Variants in EPHA6 observed in about 807,000 individuals in gnomAD.
EPHA6 encodes the protein EPH receptor A6.
A neutral mutation model predicts 112.0 loss-of-function variants in EPHA6; 50 were observed. That is an observed-to-expected ratio of 0.45 (90% CI 0.36 to 0.56). The LOEUF is 0.56. Among genes scored for constraint, EPHA6 ranks in the 20% least tolerant of loss-of-function variants. The pLI is 0.00. For synonymous variants in EPHA6, 529 were observed against 490.7 expected (o/e 1.08, Z -1.03); for missense variants, 1,280 against 1,417.4 (o/e 0.90, Z 1.56).
rs555190852 is a variant in EPHA6, at chr3:97,087,436, A to G, written c.1114+99443A>G. Among the ~76,000 whole-genome samples, 3 of 152,210 alleles carry G rather than the reference A, an allele frequency of 2.0e-5. No homozygotes were observed. In the South Asian group the frequency reaches 6.2e-4, roughly 32 times the overall value. On this transcript the variant is annotated intron_variant, in intron 3 of 17. Coordinates refer to ENST00000389672, the MANE Select transcript of EPHA6 (RefSeq NM_001080448.3). ...CATGGCTGATGAGAACCTTCCTTGA[A>G]CTGAAAGCTGATTTATTTTTCCCCA... is the stretch of plus-strand genomic sequence containing the variant.
At chr3:97,386,527 G>T (rs548599292) in intron 5 of EPHA6, among the ~76,000 whole-genome samples, 1 of 152,296 alleles carries the variant, frequency 6.6e-6, no homozygotes, top group Non-Finnish European at 1.5e-5. Flanking sequence ...GATGCAAAAG[G>T]TGGGCTTCTA....
intron 5 of EPHA6, among the ~76,000 whole-genome samples, chr3:97,367,106 C>T (rs949825138): frequency 6.6e-6 from 1 of 152,134 alleles, no homozygotes; most frequent in Non-Finnish European, 1.5e-5. Flanking sequence ...GTGTGTCTTA[C>T]TCCAGGACCC....
intron 2 of EPHA6, among the ~76,000 whole-genome samples, chr3:96,939,826 G>A (rs1021609114): frequency 6.6e-6 from 1 of 152,150 alleles, no homozygotes; most frequent in Non-Finnish European, 1.5e-5. Context: ...TGGTTTCAAA[G>A]AACATCTTTA....
chr3:97,204,004 G>T (rs2077648038), intron 3 of EPHA6, among the ~76,000 whole-genome samples: 1 of 151,776 alleles, frequency 6.6e-6, no homozygotes, highest in African/African-American at 2.4e-5. Context: ...GAAAAAAAAA[G>T]AAAAATAATG....
At chr3:96,904,348 A>ATC (rs2038799986) in intron 2 of EPHA6, among the ~76,000 whole-genome samples, 1 of 151,302 alleles carries the variant, frequency 6.6e-6, no homozygotes, top group Admixed American at 6.6e-5. Flanking sequence ...TCAGCAAACT[A>ATC]CTGCAAGGAC....
intron 6 of EPHA6, among the ~76,000 whole-genome samples, chr3:97,420,727 A>T (rs1288149851): frequency 6.6e-6 from 1 of 152,098 alleles, no homozygotes; most frequent in Non-Finnish European, 1.5e-5. Flanking sequence ...TCTTAACTGA[A>T]CGAGGGCAGT....
At chr3:97,085,927 T>TTGTATATATA (rs1559718504) in intron 3 of EPHA6, among the ~76,000 whole-genome samples, 2 of 103,968 alleles carry the variant, frequency 1.9e-5, no homozygotes, top group African/African-American at 1.9e-4. Flanking sequence ...ATATATGATG[T>TTGTATATATA]CATATATATA....
rs564176524 is a variant in EPHA6 at position 97,709,928 on chromosome 3, A to G, written c.2785-10333A>G. On this transcript the variant is annotated intron_variant, in intron 14 of 17. Coordinates refer to ENST00000389672, the MANE Select transcript of EPHA6 (RefSeq NM_001080448.3). ...CCTGAGGCCTTTCCAGCCATGTGGA[A>G]CTGTGAGTCAATTCAACCCCTTTTG... Among the ~76,000 whole-genome samples the G allele has an allele frequency of 2.0e-4, 30 of 152,306 alleles. No individual in the cohort carries two copies. In the South Asian group the frequency reaches 6.2e-3, roughly 32 times the overall value.
chr3:97,059,675 C>T (rs1013420563), intron 3 of EPHA6, among the ~76,000 whole-genome samples: 1 of 148,780 alleles, frequency 6.7e-6, no homozygotes, highest in Non-Finnish European at 1.5e-5. Flanking sequence ...TATTCCTGAT[C>T]AATTTAGCAC....
At chr3:96,827,584 T>C (rs1250841913) in intron 1 of EPHA6, among the ~76,000 whole-genome samples, 3 of 152,102 alleles carry the variant, frequency 2.0e-5, no homozygotes, top group Non-Finnish European at 4.4e-5. Context: ...TAGTGAAAAC[T>C]GTTCATATAC....
chr3:97,556,953 A>G (rs902620525), intron 11 of EPHA6, among the ~76,000 whole-genome samples: 1 of 152,098 alleles, frequency 6.6e-6, no homozygotes, highest in Non-Finnish European at 1.5e-5. Flanking sequence ...CCAGATTAGT[A>G]TAGTACATAC....
At chr3:97,648,249 T>G (rs764368700) in intron 14 of EPHA6, 2 of 815,510 alleles carry the variant, frequency 2.5e-6, no homozygotes, top group Non-Finnish European at 4.3e-6. Flanking sequence ...ATTACAGTTC[T>G]GTTAACATCT....
chr3:97,225,473 A>G (rs2078328045), intron 3 of EPHA6, among the ~76,000 whole-genome samples: 1 of 152,180 alleles, frequency 6.6e-6, no homozygotes. Flanking sequence ...TGTTTCTCAT[A>G]TATTATTTAT....
At chr3:97,164,421 CT>C (rs2108407027) in intron 3 of EPHA6, among the ~76,000 whole-genome samples, 1 of 152,134 alleles carries the variant, frequency 6.6e-6, no homozygotes, top group East Asian at 1.9e-4. Context: ...CATTTTATTT[CT>C]TACGTGTTTT....
chr3:97,078,769 A>C (rs2046621345), intron 3 of EPHA6, among the ~76,000 whole-genome samples: 1 of 152,068 alleles, frequency 6.6e-6, no homozygotes, highest in Non-Finnish European at 1.5e-5. Context: ...AAACAGATGC[A>C]ATCTTGTGAT....
chr3:97,550,999 C>G lies in EPHA6; in HGVS notation c.2386+18456C>G, dbSNP rs1162168148. ...AATTTTAACACTTTCTAATGTCAGT[C>G]ACATTTATATAAAATTAGAAGCTCT... On this transcript the variant is annotated intron_variant, in intron 11 of 17. Transcript: ENST00000389672. 1.3e-5 allele frequency among the ~76,000 whole-genome samples: 2 copies of G among 152,134 alleles called. 1 individual carries two copies. Among genetic ancestry groups the G allele is most frequent in the Admixed American group, 1.3e-4 (2 of 15,260 alleles).
At chr3:97,068,704 G>T (rs909109432) in intron 3 of EPHA6, among the ~76,000 whole-genome samples, 14 of 152,002 alleles carry the variant, frequency 9.2e-5, no homozygotes, top group African/African-American at 2.9e-4. Context: ...ACCCCAGTGT[G>T]ATAGGAAAGG....
At chr3:97,346,567 C>T (rs1377817727) in intron 5 of EPHA6, among the ~76,000 whole-genome samples, 1 of 152,042 alleles carries the variant, frequency 6.6e-6, no homozygotes, top group African/African-American at 2.4e-5. Flanking sequence ...CCATCACATC[C>T]CCATTCCACT....
chr3:96,895,576 C>G (rs551441862), intron 2 of EPHA6, among the ~76,000 whole-genome samples: 3 of 152,150 alleles, frequency 2.0e-5, no homozygotes, highest in Non-Finnish European at 2.9e-5. Context: ...CTGACTCACT[C>G]AGAGCAACTT....
Sources: gnomAD v4.1 joint callset for allele counts (sites outside exome capture counted in the v4.1 genomes callset) on GRCh38, gnomAD v4.1.1 for gene constraint, MANE v1.5 for transcripts, NCBI Gene and HGNC (gene_info 2026-07-23, HGNC 2026-07-21) for gene names.